DCAF10: variants seen among roughly 807,000 people sequenced by gnomAD.
DCAF10 encodes the protein DDB1- and CUL4-associated factor 10.
In DCAF10, 19 loss-of-function variants were observed where a neutral mutation model predicts 51.9. The ratio of observed to expected loss-of-function variants is 0.37; its 90% CI spans 0.26 to 0.54. The LOEUF (loss-of-function observed/expected upper bound fraction) is 0.54. Among genes scored for constraint, DCAF10 ranks in the 20% least tolerant of loss-of-function variants. The probability of loss-of-function intolerance (pLI) is 0.87; values close to 1 mark genes in which losing one functional copy is unlikely to be tolerated. For missense variants in DCAF10, 510 were observed against 730.6 expected (o/e 0.70, Z 3.48); for synonymous variants, 291 against 297.1 (o/e 0.98, Z 0.21).
chr9:37,841,370 T>A (rs1158208123), intron 2 of DCAF10, among the ~76,000 whole-genome samples: 1 of 152,224 alleles, frequency 6.6e-6, no homozygotes, highest in Non-Finnish European at 1.5e-5. Context: ...AGCATCCTAA[T>A]GTTAAATTAA....
At chr9:37,806,140 CTT>C (rs573290189) in intron 1 of DCAF10, among the ~76,000 whole-genome samples, 43 of 152,290 alleles carry the variant, frequency 2.8e-4, no homozygotes, top group Non-Finnish European at 5.6e-4. Context: ...AAATCTTACT[CTT>C]AATGGCATTC....
chr9:37,854,975 A>C lies in DCAF10; in HGVS notation c.1047A>C (p.Ser349=), dbSNP rs1316177592. The C allele has an allele frequency of 1.2e-6, 2 of 1,604,750 alleles. No homozygotes were observed. Among genetic ancestry groups the C allele is most frequent in the African/African-American group, 2.7e-5 (2 of 74,292 alleles). Residue 349 remains serine, a synonymous_variant, in exon 4 of 7, where the codon TCA becomes TCC. Coordinates refer to ENST00000377724, the MANE Select transcript of DCAF10 (RefSeq NM_024345.5). The part of the protein sequence containing the change: ...YPILRARRTT[S]SSDLTTSSSS... ...TTTTAAGAGCAAGAAGAACTACTTC[A>C]AGTTCAGGTAAGCTTTTCTTTTTTG... is the stretch of plus-strand genomic sequence containing the variant.
intron 2 of DCAF10, among the ~76,000 whole-genome samples, chr9:37,825,359 T>C (rs930638416): frequency 6.6e-6 from 1 of 152,162 alleles, no homozygotes; most frequent in South Asian, 2.1e-4. Flanking sequence ...AAGGAAAACA[T>C]AGTACATATA....
chr9:37,801,144 C>T lies in DCAF10; in HGVS notation c.278C>T (p.Pro93Leu), dbSNP rs1288591988. The change falls in exon 1 of 7, where the codon CCT becomes CTT. Residue 93 changes from proline (P) to leucine (L), a missense_variant. Pro to Leu is a moderately conservative substitution (Grantham distance 98). Coordinates refer to ENST00000377724, the MANE Select transcript of DCAF10 (RefSeq NM_024345.5). This position sits in a 1 kb window ranked among gnomAD's most constrained non-coding sequence, Gnocchi z 5.5. ...SAPGEPSPPSPPCRRPGPDCR... is the reference protein window; with the variant it reads ...SAPGEPSPPSLPCRRPGPDCR... ...CCGGGAGAGCCGTCACCTCCCTCCC[C>T]TCCGTGCCGGCGGCCCGGGCCAGAC... The T allele has an allele frequency of 2.0e-6, 3 of 1,537,606 alleles. No individual in the cohort carries two copies. In the East Asian group the frequency reaches 7.7e-5, roughly 39 times the overall value.
chr9:37,848,529 A>C (rs1173289708), intron 3 of DCAF10, among the ~76,000 whole-genome samples: 1 of 152,184 alleles, frequency 6.6e-6, no homozygotes. Context: ...AAATCTATAG[A>C]GACAGAAAGT....
At chr9:37,852,930 T>TTATATATATATATATATATATATA (rs59469290) in intron 3 of DCAF10, among the ~76,000 whole-genome samples, 3 of 109,822 alleles carry the variant, frequency 2.7e-5, no homozygotes, top group Non-Finnish European at 3.6e-5. Context: ...GTATGTGAGG[T>TTATATATATATATATATATATATA]TATATATATA....
intron 1 of DCAF10, among the ~76,000 whole-genome samples, chr9:37,807,253 T>C (rs1266402899): frequency 2.0e-5 from 3 of 152,044 alleles, no homozygotes; most frequent in Non-Finnish European, 4.4e-5. Context: ...AGGCTGAAGG[T>C]GGAGGATTGC....
At chr9:37,836,512 A>T in intron 2 of DCAF10, 1 of 857,106 alleles carries the variant, frequency 1.2e-6, no homozygotes, top group South Asian at 1.4e-5. Flanking sequence ...TAACTGCTCT[A>T]TTGAGTTCTC....
upstream of DCAF10, chr9:37,800,626 A>T: frequency 6.5e-7 from 1 of 1,536,082 alleles, no homozygotes; most frequent in Admixed American, 2.0e-5. Context: ...TCAGGTGCCC[A>T]GATGCTCAGT....
chr9:37,813,221 C>T (rs1829408539), intron 1 of DCAF10, among the ~76,000 whole-genome samples: 1 of 152,202 alleles, frequency 6.6e-6, no homozygotes, highest in African/African-American at 2.4e-5. Flanking sequence ...CCGCCTGTCT[C>T]CTGGGCAGCT....
At chr9:37,830,224 T>A (rs1332014431) in intron 2 of DCAF10, among the ~76,000 whole-genome samples, 1 of 152,148 alleles carries the variant, frequency 6.6e-6, no homozygotes, top group Non-Finnish European at 1.5e-5. Context: ...CTGATACACA[T>A]CTCAGAAATT....
intron 3 of DCAF10, among the ~76,000 whole-genome samples, chr9:37,847,192 G>T (rs951471493): frequency 7.1e-6 from 1 of 140,638 alleles, no homozygotes; most frequent in Non-Finnish European, 1.5e-5. Context: ...GGTGGAAGTT[G>T]CAGTGAGCCA....
intron 3 of DCAF10, among the ~76,000 whole-genome samples, chr9:37,850,852 ATATATATATATATATATATATATATATAT>A (rs1564048794): frequency 3.2e-4 from 32 of 100,636 alleles, no homozygotes; most frequent in Non-Finnish European, 3.9e-4. Context: ...ATATATATAT[ATATATATATATATATATATATATATATAT>A]AAATTAGCTT....
chr9:37,830,780 A>G (rs1416454604), intron 2 of DCAF10, among the ~76,000 whole-genome samples: 2 of 152,234 alleles, frequency 1.3e-5, no homozygotes, highest in East Asian at 1.9e-4. Context: ...CTAATCCGCT[A>G]TTAGAATGTA....
intron 2 of DCAF10, among the ~76,000 whole-genome samples, chr9:37,824,494 G>A (rs868297828): frequency 2.0e-5 from 3 of 151,474 alleles, no homozygotes; most frequent in Admixed American, 6.6e-5. Context: ...CAAAGCAGCA[G>A]AAGGGCAAAA....
chr9:37,845,897 TAA>T (rs1241477339), intron 3 of DCAF10, among the ~76,000 whole-genome samples: 1 of 152,176 alleles, frequency 6.6e-6, no homozygotes, highest in East Asian at 1.9e-4. Flanking sequence ...ACAGTACTAA[TAA>T]AAGAGCAGGT....
intron 1 of DCAF10, among the ~76,000 whole-genome samples, chr9:37,814,735 T>A (rs962670730): frequency 5.3e-5 from 8 of 152,202 alleles, no homozygotes; most frequent in Non-Finnish European, 1.2e-4. Flanking sequence ...CCAATAATAC[T>A]GCATCAGTAG....
At chr9:37,834,796 T>G (rs1830104868) in intron 2 of DCAF10, among the ~76,000 whole-genome samples, 1 of 150,116 alleles carries the variant, frequency 6.7e-6, no homozygotes, top group Non-Finnish European at 1.5e-5. Flanking sequence ...ATCACGTACT[T>G]TTTTTTTTTG....
At chr9:37,855,149 T>C (rs1241834736) in intron 4 of DCAF10, among the ~76,000 whole-genome samples, 167 bp downstream of exon 4, 2 of 152,226 alleles carry the variant, frequency 1.3e-5, no homozygotes, top group Non-Finnish European at 2.9e-5. Flanking sequence ...AGTATAATGA[T>C]TTGTATGTAT....
Sources: allele counts gnomAD v4.1 joint callset (sites outside exome capture counted in the v4.1 genomes callset), GRCh38; gene constraint gnomAD v4.1.1; non-coding constraint Gnocchi (gnomAD v3.1); transcripts MANE v1.5; gene names NCBI Gene and HGNC (gene_info 2026-07-23, HGNC 2026-07-21).